The following CCDC60 variants were observed in gnomAD, a reference collection of about 807,000 sequenced individuals.
CCDC60 encodes coiled-coil domain containing 60, also known as coiled-coil domain-containing protein 60.
A neutral mutation model predicts 63.5 loss-of-function variants in CCDC60; 54 were observed. The ratio of observed to expected loss-of-function variants is 0.85; its 90% CI spans 0.68 to 1.07. The LOEUF is 1.07. CCDC60 is among the 50% of genes least tolerant of loss of function. The pLI is 0.00. For synonymous variants in CCDC60, 206 were observed against 238.8 expected (o/e 0.86, Z 1.27); for missense variants, 651 against 684.3 (o/e 0.95, Z 0.54).
intron 1 of CCDC60, among the ~76,000 whole-genome samples, chr12:119,357,526 C>A (rs1346025938): frequency 1.3e-5 from 2 of 151,546 alleles, no homozygotes; most frequent in African/African-American, 4.9e-5. Flanking sequence ...ATGATATTGG[C>A]TCACCGCAAC....
At chr12:119,435,674 A>G (rs1279093528) in intron 2 of CCDC60, among the ~76,000 whole-genome samples, 1 of 151,416 alleles carries the variant, frequency 6.6e-6, no homozygotes, top group Non-Finnish European at 1.5e-5. Flanking sequence ...AAATGAGAAA[A>G]TTAAGATTCA....
At chr12:119,407,614 G>A (rs1309647236) in intron 1 of CCDC60, among the ~76,000 whole-genome samples, 2 of 152,152 alleles carry the variant, frequency 1.3e-5, no homozygotes, top group African/African-American at 4.8e-5. Flanking sequence ...AAGAAAGCCC[G>A]AGATTGTTGT....
intron 2 of CCDC60, among the ~76,000 whole-genome samples, chr12:119,462,608 C>A (rs575845151): frequency 6.6e-6 from 1 of 151,886 alleles, no homozygotes; most frequent in Non-Finnish European, 1.5e-5. Context: ...GGTAAATGAC[C>A]GAGATGCAGA....
At chr12:119,457,491 T>A (rs1006462204) in intron 2 of CCDC60, among the ~76,000 whole-genome samples, 1 of 152,234 alleles carries the variant, frequency 6.6e-6, no homozygotes, top group African/African-American at 2.4e-5. Context: ...GATGTTTGGA[T>A]GTGATTTAAT....
At position 119,500,077 on chromosome 12, in the gene CCDC60, G is replaced by C. The variant is rs1413970502; in HGVS notation, c.558-1G>C. 1.2e-6 allele frequency: 2 copies of C among 1,608,978 alleles called. No homozygotes were observed. Among genetic ancestry groups the C allele is most frequent in the East Asian group, 2.2e-5 (1 of 44,830 alleles). On this transcript the variant is annotated splice_acceptor_variant, in intron 5 of 13. Transcript: ENST00000327554. LOFTEE classifies it high-confidence loss of function. ...AACTCATTAAGCTGTTTCTCACTCA[G>C]GGACCCGGGTGGAAGCAAGAGCACC...
At chr12:119,422,453 A>C (rs151335212) in intron 1 of CCDC60, among the ~76,000 whole-genome samples, 1 of 152,250 alleles carries the variant, frequency 6.6e-6, no homozygotes, top group South Asian at 2.1e-4. Context: ...TGATGCTGGC[A>C]TCTGGTCCTG....
chr12:119,482,909 G>A (rs549236568), intron 4 of CCDC60, among the ~76,000 whole-genome samples: 11 of 152,222 alleles, frequency 7.2e-5, no homozygotes, highest in African/African-American at 2.6e-4. Context: ...GATGCTGAAT[G>A]TCTCTCAATA....
chr12:119,497,515 AG>A (rs1243616050), intron 5 of CCDC60, among the ~76,000 whole-genome samples: 1 of 152,216 alleles, frequency 6.6e-6, no homozygotes, highest in Admixed American at 6.5e-5. Context: ...TGCTGCTTGA[AG>A]TCGCAATAGA....
chr12:119,428,417 G>A (rs1436445325), intron 1 of CCDC60, among the ~76,000 whole-genome samples: 1 of 152,148 alleles, frequency 6.6e-6, no homozygotes, highest in Admixed American at 6.5e-5. Context: ...CTTCAGAGAG[G>A]TTGAGTAATT....
intron 1 of CCDC60, among the ~76,000 whole-genome samples, chr12:119,374,925 C>T (rs898745888): frequency 6.6e-6 from 1 of 152,102 alleles, no homozygotes; most frequent in Admixed American, 6.5e-5. Flanking sequence ...GCAGTGAGGA[C>T]GACTAGAGGT....
At chr12:119,393,757 T>A (rs901184268) in intron 1 of CCDC60, among the ~76,000 whole-genome samples, 2 of 152,162 alleles carry the variant, frequency 1.3e-5, no homozygotes, top group African/African-American at 4.8e-5. Flanking sequence ...GAAATATCAG[T>A]CTGGAGCTTC....
At chr12:119,360,352 ACCTC>A in intron 1 of CCDC60, among the ~76,000 whole-genome samples, 1 of 70,060 alleles carries the variant, frequency 1.4e-5, no homozygotes, top group Non-Finnish European at 2.4e-5. Context: ...TGACGCCCCC[ACCTC>A]CCTCCCGGAC....
chr12:119,423,826 C>G lies in CCDC60; in HGVS notation c.91-4857C>G, dbSNP rs528808751. Among the ~76,000 whole-genome samples the G allele has an allele frequency of 4.6e-5, 7 of 152,280 alleles. No homozygotes were observed. In the South Asian group the frequency reaches 1.2e-3, roughly 27 times the overall value. On this transcript the variant is annotated intron_variant, in intron 1 of 13. Transcript: ENST00000327554. ...ACTACCTGTCATGAGTTCTGATTTC[C>G]TGCCTAGACCCTGCCTGATCCAGTA...
intron 1 of CCDC60, among the ~76,000 whole-genome samples, chr12:119,368,767 C>T (rs564137972): frequency 6.6e-5 from 10 of 152,182 alleles, no homozygotes; most frequent in Admixed American, 2.6e-4. Flanking sequence ...AATCCCTGCT[C>T]GTAATTAACG....
At position 119,387,022 on chromosome 12, in the gene CCDC60, C is replaced by T. The variant is rs1259211257; in HGVS notation, c.91-41661C>T. ...CTCTCTCTCTCTCTCCCTCCCTCCCCCTCTGTCTCTCTCACACACACACAC... is the reference window on the plus strand; with the variant it reads ...CTCTCTCTCTCTCTCCCTCCCTCCCTCTCTGTCTCTCTCACACACACACAC... On this transcript the variant is annotated intron_variant, in intron 1 of 13. Coordinates refer to ENST00000327554, the MANE Select transcript of CCDC60 (RefSeq NM_178499.5). Among the ~76,000 whole-genome samples the T allele has an allele frequency of 5.7e-5, 6 of 105,322 alleles. 1 individual carries two copies. The highest frequency in any genetic ancestry group is 8.0e-5 in the African/African-American group (2 of 24,952). 69.1% of individuals were successfully genotyped at this position (105,322 alleles called of 152,430 possible). A position where few individuals can be genotyped will look rare whatever the true frequency, so the allele number is the denominator to read the frequency against.
chr12:119,530,908 C>T lies in CCDC60; in HGVS notation c.1396C>T (p.Leu466=). 1 of 1,614,098 alleles carries T rather than the reference C, an allele frequency of 6.2e-7. No homozygotes were observed. The highest frequency in any genetic ancestry group is 8.5e-7 in the Non-Finnish European group (1 of 1,179,988). Residue 466 remains leucine (L), a synonymous_variant, in exon 13 of 14, where the codon CTA becomes TTA. Coordinates refer to ENST00000327554, the MANE Select transcript of CCDC60 (RefSeq NM_178499.5). ...TCTGTTGTCCAAACTGCCAGAGGAT[C>T]TAAAGAACTTCCGCCCCGCCAAAAA... ...FDLLSKLPED[L]KNFRPAKKIL... is the part of the protein sequence containing the mutation.
At chr12:119,496,480 C>T (rs1489280402) in intron 5 of CCDC60, among the ~76,000 whole-genome samples, 1 of 152,180 alleles carries the variant, frequency 6.6e-6, no homozygotes, top group East Asian at 1.9e-4. Context: ...GTTATAGCTA[C>T]ATCTCCCCCA....
chr12:119,453,401 T>C (rs1950670059), intron 2 of CCDC60, among the ~76,000 whole-genome samples: 1 of 152,156 alleles, frequency 6.6e-6, no homozygotes, highest in Non-Finnish European at 1.5e-5. Context: ...TTAAAATAAT[T>C]AGAAGGCTTC....
intron 1 of CCDC60, among the ~76,000 whole-genome samples, chr12:119,369,095 T>G (rs1485017823): frequency 6.6e-6 from 1 of 152,030 alleles, no homozygotes; most frequent in Non-Finnish European, 1.5e-5. Flanking sequence ...GCTGCAGAAC[T>G]AGGGATACAG....
Sources: allele counts gnomAD v4.1 joint callset (sites outside exome capture counted in the v4.1 genomes callset), GRCh38; gene constraint gnomAD v4.1.1; transcripts MANE v1.5; gene names NCBI Gene and HGNC (gene_info 2026-07-23, HGNC 2026-07-21).